PPP2R5E: variants seen among roughly 807,000 people sequenced by gnomAD.
The protein encoded by PPP2R5E is protein phosphatase 2 regulatory subunit B'epsilon, also known as serine/threonine-protein phosphatase 2A 56 kDa regulatory subunit epsilon isoform.
A neutral mutation model predicts 65.3 loss-of-function variants in PPP2R5E; 4 were observed. That is an observed-to-expected ratio of 0.06 (90% CI 0.03 to 0.14). The LOEUF (loss-of-function observed/expected upper bound fraction) is 0.14. Ranked by LOEUF, PPP2R5E falls within the 10% of genes least tolerant of loss-of-function variation. The pLI is 1.00. For missense variants in PPP2R5E, 274 were observed against 556.1 expected, an observed-to-expected ratio of 0.49 and a Z score of 5.10; for synonymous variants, 183 against 187.4, an observed-to-expected ratio of 0.98 and a Z score of 0.19.
At chr14:63,458,496 AGTT>A (rs1198510744) in intron 2 of PPP2R5E, among the ~76,000 whole-genome samples, 1 of 152,226 alleles carries the variant, frequency 6.6e-6, no homozygotes, top group East Asian at 1.9e-4. Flanking sequence ...GATCAACAAA[AGTT>A]GTTAAAAATC....
intron 1 of PPP2R5E, among the ~76,000 whole-genome samples, chr14:63,540,930 C>T (rs1594988047): frequency 6.6e-6 from 1 of 152,204 alleles, no homozygotes; most frequent in African/African-American, 2.4e-5. Context: ...AAGCTCTTCA[C>T]ATCTTCAAGT....
At chr14:63,498,345 A>G (rs1379843117) in intron 2 of PPP2R5E, among the ~76,000 whole-genome samples, 1 of 150,340 alleles carries the variant, frequency 6.7e-6, no homozygotes, top group East Asian at 1.9e-4. Flanking sequence ...CTCTCTGTCC[A>G]CTTCACTAAC....
chr14:63,517,946 G>A (rs773073952), intron 2 of PPP2R5E, among the ~76,000 whole-genome samples: 2 of 152,096 alleles, frequency 1.3e-5, no homozygotes, highest in African/African-American at 4.8e-5. Context: ...ATTGCATTAT[G>A]TTCCCCACTA....
At chr14:63,377,635 T>C (rs1310088900) in intron 13 of PPP2R5E, among the ~76,000 whole-genome samples, 4 of 152,220 alleles carry the variant, frequency 2.6e-5, no homozygotes, top group African/African-American at 7.2e-5. Context: ...TAAAGCCATA[T>C]GGTAATTAAT....
In PPP2R5E at chr14:63,501,604, T is replaced by C. The variant is rs552906749; in HGVS notation, c.157+37925A>G. Among the ~76,000 whole-genome samples the C allele has an allele frequency of 3.9e-5, 6 of 152,266 alleles. No individual in the cohort carries two copies. In the South Asian group the frequency reaches 1.0e-3, roughly 26 times the overall value. ...TGCTAATGGGCACAGAATTTCATTC[T>C]GAGGTGATAAAAATGTTCTAAAAAT... On this transcript the variant is annotated intron_variant, in intron 2 of 13. Coordinates refer to ENST00000337537, the MANE Select transcript of PPP2R5E (RefSeq NM_006246.5).
intron 2 of PPP2R5E, among the ~76,000 whole-genome samples, chr14:63,521,261 CTCTAT>C (rs1383869405): frequency 1.3e-5 from 2 of 152,180 alleles, no homozygotes; most frequent in Non-Finnish European, 2.9e-5. Flanking sequence ...TACAATATAG[CTCTAT>C]TCAACATAAG....
intron 5 of PPP2R5E, among the ~76,000 whole-genome samples, chr14:63,397,777 G>T (rs1885495554): frequency 6.7e-6 from 1 of 148,810 alleles, no homozygotes; most frequent in Admixed American, 6.7e-5. Flanking sequence ...AGGCTGGAGT[G>T]CAGTGGCACG....
intron 13 of PPP2R5E, among the ~76,000 whole-genome samples, chr14:63,379,031 CTT>C (rs72440800): frequency 9.1e-5 from 13 of 143,164 alleles, no homozygotes; most frequent in African/African-American, 1.5e-4. Context: ...AACCCATTTT[CTT>C]TTTTTTTTTT....
intron 5 of PPP2R5E, among the ~76,000 whole-genome samples, chr14:63,411,625 T>C (rs999351061): frequency 1.4e-5 from 2 of 138,898 alleles, no homozygotes; most frequent in South Asian, 2.4e-4. Context: ...GAGTGAGTTC[T>C]CACTCTATTA....
At chr14:63,415,115 C>T in intron 5 of PPP2R5E, 25 bp downstream of exon 5, 2 of 1,486,648 alleles carry the variant, frequency 1.3e-6, no homozygotes, top group Middle Eastern at 1.7e-4. Flanking sequence ...ATGACAAATA[C>T]ACACAACCAC....
chr14:63,449,982 T>C (rs2139463585), intron 3 of PPP2R5E, among the ~76,000 whole-genome samples: 1 of 151,292 alleles, frequency 6.6e-6, no homozygotes, highest in South Asian at 2.1e-4. Context: ...TTCAAGCGAT[T>C]CTCTTGCCTC....
chr14:63,528,562 C>A (rs1462747253), intron 2 of PPP2R5E, among the ~76,000 whole-genome samples: 4 of 151,962 alleles, frequency 2.6e-5, no homozygotes, highest in Non-Finnish European at 5.9e-5. Flanking sequence ...AAGCACAAAC[C>A]CACTCAGGAT....
At chr14:63,498,116 T>G (rs998410456) in intron 2 of PPP2R5E, among the ~76,000 whole-genome samples, 1 of 152,234 alleles carries the variant, frequency 6.6e-6, no homozygotes, top group African/African-American at 2.4e-5. Context: ...TAATATCTCT[T>G]CTTTGTAATT....
At chr14:63,476,307 G>T (rs1394544477) in intron 2 of PPP2R5E, among the ~76,000 whole-genome samples, 1 of 151,894 alleles carries the variant, frequency 6.6e-6, no homozygotes, top group Non-Finnish European at 1.5e-5. Context: ...GGATCAAAAT[G>T]AGTTATTTCA....
chr14:63,534,419 T>C (rs1213213700), intron 2 of PPP2R5E, among the ~76,000 whole-genome samples: 2 of 151,752 alleles, frequency 1.3e-5, no homozygotes, highest in African/African-American at 4.8e-5. Flanking sequence ...TGCACACCAC[T>C]ACATCCACGA....
intron 2 of PPP2R5E, among the ~76,000 whole-genome samples, chr14:63,521,743 C>T (rs995576482): frequency 6.6e-6 from 1 of 152,190 alleles, no homozygotes; most frequent in African/African-American, 2.4e-5. Flanking sequence ...GAACACCTCA[C>T]AGAACAGGGA....
chr14:63,512,483 A>C (rs1892505242), intron 2 of PPP2R5E, among the ~76,000 whole-genome samples: 1 of 152,248 alleles, frequency 6.6e-6, no homozygotes, highest in Admixed American at 6.5e-5. Flanking sequence ...ACCAATGTTT[A>C]TAGATATCAT....
intron 13 of PPP2R5E, among the ~76,000 whole-genome samples, chr14:63,380,037 T>C (rs530355681): frequency 9.2e-5 from 14 of 151,458 alleles, no homozygotes; most frequent in Admixed American, 3.9e-4. Context: ...GTTTCACCAT[T>C]CGGCCAGGAT....
intron 1 of PPP2R5E, among the ~76,000 whole-genome samples, chr14:63,540,039 C>G (rs772949684): frequency 6.6e-6 from 1 of 151,206 alleles, no homozygotes; most frequent in Admixed American, 6.6e-5. Flanking sequence ...GTGAAAGAAT[C>G]GCTTGAACCT....
Sources: allele counts gnomAD v4.1 joint callset (sites outside exome capture counted in the v4.1 genomes callset), GRCh38; gene constraint gnomAD v4.1.1; transcripts MANE v1.5; gene names NCBI Gene and HGNC (gene_info 2026-07-23, HGNC 2026-07-21).